MECOM: variants seen among roughly 807,000 people sequenced by gnomAD.
MECOM encodes the protein histone-lysine N-methyltransferase MECOM.
Under a neutral mutation model 116.3 loss-of-function variants are expected in MECOM, and 13 were observed. The ratio of observed to expected loss-of-function variants is 0.11; its 90% CI spans 0.07 to 0.18. The LOEUF (loss-of-function observed/expected upper bound fraction) is 0.18. Among genes scored for constraint, MECOM ranks in the 10% least tolerant of loss-of-function variants. The probability of loss-of-function intolerance (pLI) is 1.00; values close to 1 mark genes in which losing one functional copy is unlikely to be tolerated. For missense variants in MECOM, 1,299 were observed against 1,509.0 expected (o/e 0.86, Z 2.31); for synonymous variants, 528 against 535.2 (o/e 0.99, Z 0.19).
intron 12 of MECOM, among the ~76,000 whole-genome samples, chr3:169,096,877 A>G (rs1335127588): frequency 6.6e-6 from 1 of 152,172 alleles, no homozygotes; most frequent in African/African-American, 2.4e-5. Context: ...GTTCTGGCAT[A>G]ATAAGCTTCT....
At chr3:169,277,772 C>T (rs777643313) in intron 2 of MECOM, among the ~76,000 whole-genome samples, 1 of 152,242 alleles carries the variant, frequency 6.6e-6, no homozygotes, top group African/African-American at 2.4e-5. Context: ...TCCAAGGGGT[C>T]CCAGATGTGA....
chr3:169,272,305 A>T (rs893226812), intron 2 of MECOM, among the ~76,000 whole-genome samples: 1 of 152,176 alleles, frequency 6.6e-6, no homozygotes, highest in South Asian at 2.1e-4. Flanking sequence ...AGTGGCTAAC[A>T]TGGGAGTTGG....
intron 1 of MECOM, among the ~76,000 whole-genome samples, chr3:169,506,947 C>T (rs1755310671): frequency 6.6e-6 from 1 of 152,230 alleles, no homozygotes; most frequent in Non-Finnish European, 1.5e-5. Flanking sequence ...TTAAAATTCA[C>T]ATGTTCTTCC....
intron 1 of MECOM, among the ~76,000 whole-genome samples, chr3:169,617,335 A>G (rs1770136442): frequency 6.6e-6 from 1 of 152,220 alleles, no homozygotes; most frequent in Non-Finnish European, 1.5e-5. Flanking sequence ...GTGCACCCAG[A>G]AGGAGTCTTG....
At chr3:169,423,932 G>A (rs1740204423) in intron 1 of MECOM, among the ~76,000 whole-genome samples, 1 of 152,044 alleles carries the variant, frequency 6.6e-6, no homozygotes, top group Non-Finnish European at 1.5e-5. Flanking sequence ...AACCAAGCTG[G>A]GATATAAGTA....
intron 1 of MECOM, among the ~76,000 whole-genome samples, chr3:169,662,232 C>G (rs921679325): frequency 2.0e-5 from 3 of 152,222 alleles, no homozygotes; most frequent in African/African-American, 7.2e-5. Flanking sequence ...CGCTCCGCGC[C>G]GGGCAGGCAG....
intron 2 of MECOM, among the ~76,000 whole-genome samples, chr3:169,362,630 T>C (rs971196649): frequency 1.3e-5 from 2 of 151,968 alleles, no homozygotes; most frequent in Non-Finnish European, 2.9e-5. Flanking sequence ...AAGTAGATAC[T>C]GCGGTTACCA....
At chr3:169,514,010 C>CTAAT (rs1309547050) in intron 1 of MECOM, among the ~76,000 whole-genome samples, 3 of 152,152 alleles carry the variant, frequency 2.0e-5, no homozygotes, top group African/African-American at 7.2e-5. Context: ...AAATACAGAC[C>CTAAT]TAATATTTCA....
chr3:169,221,345 C>T (rs571383473), intron 2 of MECOM, among the ~76,000 whole-genome samples: 1 of 152,150 alleles, frequency 6.6e-6, no homozygotes, highest in Admixed American at 6.5e-5. Flanking sequence ...TTAAATACTT[C>T]GGTAACATTT....
At chr3:169,094,933 A>G (rs1576863002) in intron 13 of MECOM, 143 bp downstream of exon 13, 2 of 663,396 alleles carry the variant, frequency 3.0e-6, no homozygotes, top group Non-Finnish European at 4.6e-6. Flanking sequence ...TAAAATCTCA[A>G]CAGAAACTTC....
At chr3:169,469,043 A>G (rs1434548221) in intron 1 of MECOM, among the ~76,000 whole-genome samples, 1 of 152,190 alleles carries the variant, frequency 6.6e-6, no homozygotes, top group Admixed American at 6.5e-5. Context: ...TAGAAAAATT[A>G]ATATTCTAAT....
intron 2 of MECOM, among the ~76,000 whole-genome samples, chr3:169,343,856 T>G (rs1199200946): frequency 2.0e-5 from 3 of 152,194 alleles, no homozygotes; most frequent in African/African-American, 7.2e-5. Flanking sequence ...TCAAACATTT[T>G]GCAGTACCAT....
intron 1 of MECOM, among the ~76,000 whole-genome samples, chr3:169,519,489 C>T (rs1052069197): frequency 1.3e-5 from 2 of 152,210 alleles, no homozygotes; most frequent in Non-Finnish European, 2.9e-5. Flanking sequence ...TAATTCACTA[C>T]TCTTCAATGT....
At chr3:169,645,985 T>C (rs1381154488) in intron 1 of MECOM, among the ~76,000 whole-genome samples, 1 of 152,024 alleles carries the variant, frequency 6.6e-6, no homozygotes, top group Non-Finnish European at 1.5e-5. Flanking sequence ...CTGTCTCTTC[T>C]CTTAACTTGT....
At chr3:169,506,466 C>T (rs1399845330) in intron 1 of MECOM, among the ~76,000 whole-genome samples, 1 of 147,712 alleles carries the variant, frequency 6.8e-6, no homozygotes, top group African/African-American at 2.5e-5. Context: ...GGTGAGTACT[C>T]TTTTTTTTTT....
At chr3:169,247,722 A>T (rs1284845477) in intron 2 of MECOM, among the ~76,000 whole-genome samples, 1 of 152,252 alleles carries the variant, frequency 6.6e-6, no homozygotes, top group African/African-American at 2.4e-5. Context: ...TATTTATTAA[A>T]CACTCACTAC....
chr3:169,533,174 C>T (rs1758866429), intron 1 of MECOM, among the ~76,000 whole-genome samples: 1 of 120,056 alleles, frequency 8.3e-6, no homozygotes, highest in South Asian at 2.2e-4. Context: ...TTGAACTTCA[C>T]GTTTCCTCAC....
At chr3:169,283,583 T>C (rs1560086223) in intron 2 of MECOM, among the ~76,000 whole-genome samples, 1 of 152,178 alleles carries the variant, frequency 6.6e-6, no homozygotes, top group East Asian at 1.9e-4. Context: ...AATTTCTAAT[T>C]ATAGATCTCA....
chr3:169,410,321 T>G (rs762909430), intron 1 of MECOM, among the ~76,000 whole-genome samples: 1 of 152,226 alleles, frequency 6.6e-6, no homozygotes, highest in Non-Finnish European at 1.5e-5. Flanking sequence ...GTTTTTAAAA[T>G]ATCAAACGTT....
Sources: gnomAD v4.1 joint callset for allele counts (sites outside exome capture counted in the v4.1 genomes callset) on GRCh38, gnomAD v4.1.1 for gene constraint, MANE v1.5 for transcripts, NCBI Gene and HGNC (gene_info 2026-07-23, HGNC 2026-07-21) for gene names.